Variants in SENP2 observed in about 807,000 individuals in gnomAD.
The protein encoded by SENP2 is sentrin-specific protease 2.
Under a neutral mutation model 86.3 loss-of-function variants are expected in SENP2, and 16 were observed. The observed-to-expected ratio is 0.19, with a 90% confidence interval of 0.13 to 0.28. The LOEUF (loss-of-function observed/expected upper bound fraction) is 0.28. Among genes scored for constraint, SENP2 ranks in the 10% least tolerant of loss-of-function variants. The pLI is 1.00. For synonymous variants in SENP2, 222 were observed against 238.7 expected, an observed-to-expected ratio of 0.93 and a Z score of 0.64; for missense variants, 552 against 703.0, an observed-to-expected ratio of 0.79 and a Z score of 2.43.
At chr3:185,612,540 C>T in intron 8 of SENP2, 67 bp from the exon 9 acceptor site, 3 of 1,166,944 alleles carry the variant, frequency 2.6e-6, no homozygotes, top group East Asian at 4.7e-5. Flanking sequence ...ACTCTGTAAG[C>T]TGAAATTCTA....
rs760697239 is a variant in SENP2 at position 185,611,696 on chromosome 3, G to A, written c.768G>A (p.Gly256=). Residue 256 remains glycine, a synonymous_variant, in exon 8 of 17, where the codon GGG becomes GGA. Coordinates refer to ENST00000296257, the MANE Select transcript of SENP2 (RefSeq NM_021627.3). Reference sequence around the variant, plus strand: ...ACACATTAAAGACCAAAGGCTGGGGGGAAGAGCAAAATCACGGAGTCAAAA... The same window carrying A: ...ACACATTAAAGACCAAAGGCTGGGGAGAAGAGCAAAATCACGGAGTCAAAA... The part of the protein sequence containing the change: ...QMDTLKTKGW[G]EEQNHGVKTT... The A allele has an allele frequency of 1.5e-5, 25 of 1,613,598 alleles. No individual in the cohort carries two copies. The highest frequency in any genetic ancestry group is 2.1e-5 in the Non-Finnish European group (25 of 1,179,826).
intron 2 of SENP2, among the ~76,000 whole-genome samples, chr3:185,593,829 AG>A (rs910103328): frequency 1.3e-5 from 2 of 151,570 alleles, no homozygotes; most frequent in African/African-American, 4.9e-5. Context: ...CCCAGGTTCA[AG>A]TGATTCTCCT....
At chr3:185,611,788 G>T in intron 8 of SENP2, 43 bp downstream of exon 8, 6 of 1,345,386 alleles carry the variant, frequency 4.5e-6, no homozygotes, top group Non-Finnish European at 6.3e-6. Flanking sequence ...ATTGACCTTA[G>T]TTCATGCTAC....
At chr3:185,590,788 G>T (rs1721956444) in intron 2 of SENP2, among the ~76,000 whole-genome samples, 1 of 120,986 alleles carries the variant, frequency 8.3e-6, no homozygotes, top group African/African-American at 3.3e-5. Flanking sequence ...GTGAACCTGG[G>T]AGGCGGAGGT....
At chr3:185,623,060 G>T (rs182921058) in intron 14 of SENP2, among the ~76,000 whole-genome samples, 1 of 150,896 alleles carries the variant, frequency 6.6e-6, no homozygotes, top group Non-Finnish European at 1.5e-5. Flanking sequence ...CAGGTGATCC[G>T]CCCGCCCCAG....
chr3:185,616,302 C>G (rs1254190114), intron 11 of SENP2, among the ~76,000 whole-genome samples: 1 of 150,022 alleles, frequency 6.7e-6, no homozygotes, highest in African/African-American at 2.4e-5. Flanking sequence ...GAAACCCCGT[C>G]TCTACCAAAA....
intron 4 of SENP2, 120 bp downstream of exon 4, chr3:185,599,144 T>TC: frequency 4.3e-6 from 3 of 705,000 alleles, no homozygotes; most frequent in Non-Finnish European, 7.3e-6. Flanking sequence ...ACATTCTTTC[T>TC]ACCGTTCTAA....
chr3:185,588,244 A>C (rs1167249689), intron 1 of SENP2, among the ~76,000 whole-genome samples: 1 of 150,738 alleles, frequency 6.6e-6, no homozygotes, highest in Non-Finnish European at 1.5e-5. Context: ...TTTTTAGTAG[A>C]GACGGGGTTT....
At position 185,632,250 on chromosome 3, in the gene SENP2, TTTTTTG is replaced by T. The variant is rs1712517412; in HGVS notation, c.*2407_*2412del. ...TTTTTTTTTTTTGTTTTTTTTTTTT[TTTTTTG>T]CGACAGAGTCTCTTGTCGCCCAGGC... On this transcript the variant is annotated 3_prime_UTR_variant, in exon 17 of 17. Coordinates refer to ENST00000296257, the MANE Select transcript of SENP2 (RefSeq NM_021627.3). The T allele has an allele frequency of 1.5e-5, 2 of 132,796 alleles. No individual in the cohort carries two copies. The highest frequency in any genetic ancestry group is 5.8e-5 in the African/African-American group (2 of 34,440). 8.2% of individuals were successfully genotyped at this position (132,796 alleles called of 1,614,324 possible).
intron 4 of SENP2, 123 bp downstream of exon 4, chr3:185,599,147 C>A: frequency 1.5e-6 from 1 of 681,758 alleles, no homozygotes; most frequent in Non-Finnish European, 2.5e-6. Context: ...TTCTTTCTAC[C>A]GTTCTAAAAA....
At chr3:185,587,385 A>C (rs1216026146) in intron 1 of SENP2, among the ~76,000 whole-genome samples, 1 of 152,014 alleles carries the variant, frequency 6.6e-6, no homozygotes, top group Non-Finnish European at 1.5e-5. Flanking sequence ...CGCCCACCCC[A>C]GCCTTTGGAA....
chr3:185,597,540 G>T (rs187805722), intron 2 of SENP2, among the ~76,000 whole-genome samples: 119 of 151,402 alleles, frequency 7.9e-4, no homozygotes, highest in African/African-American at 2.8e-3. Flanking sequence ...TTTCAGTAGG[G>T]ACGGGGTTTC....
At chr3:185,621,787 A>G (rs13076556) in intron 13 of SENP2, 39 bp from the exon 14 acceptor site, 315,814 of 1,234,564 alleles carry the variant, frequency 0.26, 42,841 homozygotes, top group African/African-American at 0.4. Flanking sequence ...CTCCTCTTAC[A>G]TTTAAGATGT....
At chr3:185,613,447 T>C (rs1424012424) in intron 10 of SENP2, 39 bp downstream of exon 10, 3 of 1,217,666 alleles carry the variant, frequency 2.5e-6, no homozygotes, top group Non-Finnish European at 2.4e-6. Flanking sequence ...ACCTGTTTAC[T>C]TATGTAACTT....
intron 12 of SENP2, 63 bp from the exon 13 acceptor site, chr3:185,619,236 A>G: frequency 1.7e-6 from 2 of 1,167,442 alleles, no homozygotes; most frequent in South Asian, 1.2e-5. Flanking sequence ...TTATTCAGGT[A>G]GAAATTTAGT....
intron 7 of SENP2, among the ~76,000 whole-genome samples, chr3:185,610,646 A>T (rs1187223288): frequency 6.6e-6 from 1 of 152,102 alleles, no homozygotes; most frequent in Non-Finnish European, 1.5e-5. Flanking sequence ...AAACCCTCAA[A>T]CTATTTTTGC....
rs1712337968 is a variant in SENP2, at chr3:185,629,889, G to A, written c.*45G>A. On this transcript the variant is annotated 3_prime_UTR_variant, in exon 17 of 17. Coordinates refer to ENST00000296257, the MANE Select transcript of SENP2 (RefSeq NM_021627.3). The stretch of plus-strand genomic sequence containing the variant: ...TCTAGCTGCTGGTGGTTCTTTCACA[G>A]ACATTTCCATATACCTCATGCATTG... 3 of 1,583,284 alleles carry A rather than the reference G, an allele frequency of 1.9e-6. No individual in the cohort carries two copies. The highest frequency in any genetic ancestry group is 2.7e-5 in the African/African-American group (2 of 74,460).
intron 2 of SENP2, among the ~76,000 whole-genome samples, chr3:185,597,606 G>A (rs1443293983): frequency 1.3e-5 from 2 of 151,452 alleles, no homozygotes; most frequent in African/African-American, 2.4e-5. Context: ...CACCCACCTC[G>A]GCCTCCCACC....
chr3:185,620,799 T>C (rs770099240), intron 13 of SENP2, among the ~76,000 whole-genome samples: 3 of 151,882 alleles, frequency 2.0e-5, no homozygotes, highest in Non-Finnish European at 4.4e-5. Flanking sequence ...GTTATTTATA[T>C]TTATTTAGTT....
Sources: allele counts gnomAD v4.1 joint callset (sites outside exome capture counted in the v4.1 genomes callset), GRCh38; gene constraint gnomAD v4.1.1; transcripts MANE v1.5; gene names NCBI Gene and HGNC (gene_info 2026-07-23, HGNC 2026-07-21).